DDAH1: variants seen among roughly 807,000 people sequenced by gnomAD.
DDAH1 encodes dimethylarginine dimethylaminohydrolase 1.
DDAH1 carries 19 observed loss-of-function variants against 28.8 expected under a neutral mutation model. The ratio of observed to expected loss-of-function variants is 0.66; its 90% confidence interval spans 0.46 to 0.97. The LOEUF (loss-of-function observed/expected upper bound fraction) is 0.97, where lower values mean the gene tolerates loss of function less well. Among genes scored for constraint, DDAH1 ranks in the 50% least tolerant of loss-of-function variants. The pLI is 0.00. For missense variants in DDAH1, 326 were observed against 375.9 expected, an observed-to-expected ratio of 0.87 and a Z score of 1.10; for synonymous variants, 153 against 154.4, an observed-to-expected ratio of 0.99 and a Z score of 0.07.
intron 2 of DDAH1, among the ~76,000 whole-genome samples, chr1:85,487,411 A>T (rs995925910): frequency 6.6e-6 from 1 of 152,242 alleles, no homozygotes; most frequent in Non-Finnish European, 1.5e-5. Context: ...TATTTAATAC[A>T]TCTGCTCCTA....
intron 1 of DDAH1, among the ~76,000 whole-genome samples, chr1:85,441,520 A>G (rs1302542275): frequency 7.2e-6 from 1 of 139,538 alleles, no homozygotes; most frequent in African/African-American, 2.7e-5. Context: ...CAGCCTGGCG[A>G]CAGAGTAAGA....
intron 1 of DDAH1, among the ~76,000 whole-genome samples, chr1:85,526,284 T>C (rs1220775493): frequency 6.6e-6 from 1 of 152,228 alleles, no homozygotes; most frequent in African/African-American, 2.4e-5. Flanking sequence ...CTCTCTCTAA[T>C]ACTATATGTT....
At chr1:85,369,643 T>C (rs1407980997) in intron 1 of DDAH1, among the ~76,000 whole-genome samples, 1 of 152,230 alleles carries the variant, frequency 6.6e-6, no homozygotes, top group Non-Finnish European at 1.5e-5. Context: ...ATTTTCAATA[T>C]ACCTGGCACT....
intron 1 of DDAH1, among the ~76,000 whole-genome samples, chr1:85,502,116 G>A (rs1479907679): frequency 6.6e-6 from 1 of 152,192 alleles, no homozygotes; most frequent in Non-Finnish European, 1.5e-5. Context: ...TATTGGCACT[G>A]CTTCAGACAG....
At chr1:85,548,058 G>A (rs1406734583) in intron 1 of DDAH1, among the ~76,000 whole-genome samples, 1 of 152,122 alleles carries the variant, frequency 6.6e-6, no homozygotes, top group Non-Finnish European at 1.5e-5. Context: ...ACCAAACACT[G>A]TAGAATGAAT....
upstream of DDAH1, among the ~76,000 whole-genome samples, chr1:85,466,480 C>T (rs1246470299): frequency 6.6e-6 from 1 of 152,214 alleles, no homozygotes; most frequent in Non-Finnish European, 1.5e-5. Context: ...AACTCCTGAC[C>T]TCAGGTGATC....
chr1:85,321,306 A>G lies in DDAH1; in HGVS notation c.*146T>C. The stretch of plus-strand genomic sequence containing the variant: ...GAGGGAGGGTGGGGGTGTTGAATGA[A>G]GCAATTCAACTTAGAATCAAATTTT... On this transcript the variant is annotated 3_prime_UTR_variant, in exon 6 of 6. Transcript: ENST00000284031. 1 of 649,520 alleles carries G rather than the reference A, an allele frequency of 1.5e-6. No individual in the cohort carries two copies. The highest frequency in any genetic ancestry group is 2.8e-6 in the Non-Finnish European group (1 of 361,958). The allele number at this position is 649,520 out of a possible 1,614,324, so 40.2% of individuals were successfully genotyped here. A position where few individuals can be genotyped will look rare whatever the true frequency, so the allele number is the denominator to read the frequency against.
intron 1 of DDAH1, among the ~76,000 whole-genome samples, chr1:85,405,016 C>A (rs990954068): frequency 1.3e-5 from 2 of 152,214 alleles, no homozygotes; most frequent in Admixed American, 6.5e-5. Context: ...TCATTTTCAA[C>A]CCTGTTTTCT....
At chr1:85,357,408 CG>C (rs1557515604) in intron 2 of DDAH1, among the ~76,000 whole-genome samples, 3 of 152,152 alleles carry the variant, frequency 2.0e-5, no homozygotes, top group African/African-American at 7.2e-5. Context: ...CCACCCATAG[CG>C]ACAGTATGTG....
At chr1:85,554,086 T>C (rs1024235123) in intron 1 of DDAH1, among the ~76,000 whole-genome samples, 7 of 152,206 alleles carry the variant, frequency 4.6e-5, no homozygotes, top group African/African-American at 1.7e-4. Flanking sequence ...TGTCCTCCAC[T>C]AGTTTTCAAC....
intron 1 of DDAH1, among the ~76,000 whole-genome samples, chr1:85,540,389 C>A (rs1157338719): frequency 1.3e-5 from 2 of 152,146 alleles, no homozygotes; most frequent in African/African-American, 2.4e-5. Context: ...TTTCAAAGCC[C>A]AGCACAACAC....
intron 1 of DDAH1, among the ~76,000 whole-genome samples, chr1:85,500,180 C>T: frequency 7.4e-6 from 1 of 135,644 alleles, no homozygotes; most frequent in African/African-American, 2.7e-5. Context: ...TTCCTTCCTT[C>T]CTTCATCTTT....
At chr1:85,576,228 C>G (rs963701925) in intron 1 of DDAH1, among the ~76,000 whole-genome samples, 1 of 152,060 alleles carries the variant, frequency 6.6e-6, no homozygotes, top group African/African-American at 2.4e-5. Context: ...TAATTTCTGA[C>G]TAATTTATTA....
At chr1:85,427,822 ATGT>A (rs80053716) in intron 1 of DDAH1, among the ~76,000 whole-genome samples, 12,203 of 152,116 alleles carry the variant, frequency 0.08, 520 homozygotes, top group Middle Eastern at 0.13. Context: ...CCTCATAAAC[ATGT>A]TATGTGTTTC....
upstream of DDAH1, among the ~76,000 whole-genome samples, chr1:85,468,710 G>A (rs1218359111): frequency 6.6e-6 from 1 of 152,130 alleles, no homozygotes; most frequent in Non-Finnish European, 1.5e-5. Flanking sequence ...AGTAGAGACA[G>A]GGTTTCACTG....
At chr1:85,527,783 T>C (rs1657925137) in intron 1 of DDAH1, among the ~76,000 whole-genome samples, 1 of 152,370 alleles carries the variant, frequency 6.6e-6, no homozygotes, top group East Asian at 1.9e-4. Context: ...ATTGCATCTT[T>C]TACTTTATAT....
At chr1:85,553,546 C>T (rs546178696) in intron 1 of DDAH1, among the ~76,000 whole-genome samples, 1 of 152,296 alleles carries the variant, frequency 6.6e-6, no homozygotes, top group African/African-American at 2.4e-5. Flanking sequence ...AGGTTTGTTA[C>T]CAGCAAAGGG....
chr1:85,326,662 T>G (rs1301964938), intron 4 of DDAH1, among the ~76,000 whole-genome samples: 1 of 152,242 alleles, frequency 6.6e-6, no homozygotes, highest in Non-Finnish European at 1.5e-5. Context: ...TCTCTGGCAG[T>G]ACCATTAATT....
chr1:85,430,512 C>T (rs555419992), intron 1 of DDAH1, among the ~76,000 whole-genome samples: 260 of 152,164 alleles, frequency 1.7e-3, no homozygotes, highest in Non-Finnish European at 3.3e-3. Context: ...TTGACGATAT[C>T]GATTCTTCCT....
Sources: gnomAD v4.1 joint callset for allele counts (sites outside exome capture counted in the v4.1 genomes callset) on GRCh38, gnomAD v4.1.1 for gene constraint, MANE v1.5 for transcripts, NCBI Gene and HGNC (gene_info 2026-07-23, HGNC 2026-07-21) for gene names.